COLGALT2: variants seen among roughly 807,000 people sequenced by gnomAD.
COLGALT2 encodes the protein procollagen galactosyltransferase 2.
In COLGALT2, 49 loss-of-function variants were observed where a neutral mutation model predicts 73.4. The ratio of observed to expected loss-of-function variants is 0.67; its 90% CI spans 0.53 to 0.85. The LOEUF is 0.85. Among genes scored for constraint, COLGALT2 ranks in the 40% least tolerant of loss-of-function variants. COLGALT2 has a pLI of 0.00. For synonymous variants in COLGALT2, 295 were observed against 307.6 expected, an observed-to-expected ratio of 0.96 and a Z score of 0.43; for missense variants, 722 against 790.2, an observed-to-expected ratio of 0.91 and a Z score of 1.03.
intron 1 of COLGALT2, among the ~76,000 whole-genome samples, chr1:184,001,602 G>A (rs12123236): frequency 0.043 from 6,578 of 152,052 alleles, 208 homozygotes; most frequent in Middle Eastern, 0.085. Flanking sequence ...TTCTTATGAT[G>A]TACTTAAAGC....
chr1:183,956,812 G>T (rs554884658), intron 6 of COLGALT2, among the ~76,000 whole-genome samples: 1 of 152,306 alleles, frequency 6.6e-6, no homozygotes, highest in African/African-American at 2.4e-5. Context: ...GTGTGCTTGG[G>T]TTTTGCCACT....
At chr1:183,996,926 T>C (rs1191808997) in intron 1 of COLGALT2, among the ~76,000 whole-genome samples, 1 of 152,214 alleles carries the variant, frequency 6.6e-6, no homozygotes, top group Non-Finnish European at 1.5e-5. Context: ...TTTGAGCTTA[T>C]CGAAAGAATT....
At chr1:184,005,309 T>C (rs12069197) in intron 1 of COLGALT2, among the ~76,000 whole-genome samples, 12,338 of 152,278 alleles carry the variant, frequency 0.081, 926 homozygotes, top group East Asian at 0.44. Context: ...CCTCTAGTCC[T>C]GGCAGAGGCT....
intron 10 of COLGALT2, 93 bp downstream of exon 10, chr1:183,944,103 A>G (rs1558309064): frequency 3.7e-6 from 5 of 1,365,240 alleles, no homozygotes; most frequent in East Asian, 2.5e-5. Flanking sequence ...CTTAAGCTGT[A>G]TCTCCTACTG....
At chr1:183,964,839 A>C (rs1670822265) in intron 5 of COLGALT2, among the ~76,000 whole-genome samples, 1 of 152,222 alleles carries the variant, frequency 6.6e-6, no homozygotes, top group Non-Finnish European at 1.5e-5. Context: ...ATCAATGATA[A>C]GACTGCTTAG....
At chr1:183,966,768 C>T (rs1212521625) in intron 5 of COLGALT2, among the ~76,000 whole-genome samples, 2 of 152,206 alleles carry the variant, frequency 1.3e-5, no homozygotes, top group African/African-American at 2.4e-5. Flanking sequence ...ACTCTTGACC[C>T]TGGACTCATT....
At chr1:183,988,645 G>A (rs946210757) in intron 1 of COLGALT2, among the ~76,000 whole-genome samples, 5 of 152,080 alleles carry the variant, frequency 3.3e-5, no homozygotes, top group African/African-American at 7.2e-5. Context: ...CAAGGTTCAC[G>A]CATGTTGTAG....
intron 1 of COLGALT2, among the ~76,000 whole-genome samples, chr1:184,002,879 C>CTT (rs1671969499): frequency 6.6e-6 from 1 of 151,930 alleles, no homozygotes; most frequent in African/African-American, 2.4e-5. Flanking sequence ...AGATTATATC[C>CTT]TATAAATATA....
intron 1 of COLGALT2, among the ~76,000 whole-genome samples, chr1:184,020,199 T>C (rs900213569): frequency 2.6e-5 from 4 of 152,148 alleles, no homozygotes; most frequent in Non-Finnish European, 5.9e-5. Context: ...CAAGAAAAAG[T>C]TGAAAATATT....
intron 1 of COLGALT2, among the ~76,000 whole-genome samples, chr1:184,011,266 G>T (rs1672226888): frequency 6.6e-6 from 1 of 152,186 alleles, no homozygotes; most frequent in Non-Finnish European, 1.5e-5. Context: ...CAGCCCCGTG[G>T]TTTGCTTTGG....
At position 183,944,214 on chromosome 1, in the gene COLGALT2, T is replaced by C. The variant is rs1181404383; in HGVS notation, c.1379A>G (p.Gln460Arg). ...MKLMDNIDQA[Q>R]LDWELIYIGR... Reference sequence around the variant, plus strand: ...CACTCACATCAGTTCCCAGTCCAGCTGAGCCTGGTCAATGTTATCCATCAG... The same window carrying C: ...CACTCACATCAGTTCCCAGTCCAGCCGAGCCTGGTCAATGTTATCCATCAG... The change falls in exon 10 of 12, where the codon CAG (glutamine) becomes CGG (arginine). Residue 460 changes from glutamine to arginine, a missense_variant. Gln to Arg is a conservative substitution (Grantham distance 43). Coordinates refer to ENST00000361927, the MANE Select transcript of COLGALT2 (RefSeq NM_015101.4). 17 of 1,613,436 alleles carry C rather than the reference T, an allele frequency of 1.1e-5. No homozygotes were observed. The highest frequency in any genetic ancestry group is 1.3e-5 in the Non-Finnish European group (15 of 1,179,780).
intron 1 of COLGALT2, among the ~76,000 whole-genome samples, chr1:183,986,292 T>C: frequency 6.6e-6 from 1 of 152,196 alleles, no homozygotes; most frequent in East Asian, 1.9e-4. Flanking sequence ...TCATACCAAG[T>C]CACTTAGTTG....
At chr1:184,013,396 C>A (rs1648877524) in intron 1 of COLGALT2, among the ~76,000 whole-genome samples, 1 of 152,102 alleles carries the variant, frequency 6.6e-6, no homozygotes, top group South Asian at 2.1e-4. Flanking sequence ...TCAATACCTG[C>A]AAGAATCTAC....
intron 1 of COLGALT2, among the ~76,000 whole-genome samples, chr1:184,016,823 C>T (rs972534200): frequency 2.6e-5 from 4 of 152,110 alleles, no homozygotes. Flanking sequence ...TAGTTAACTG[C>T]CTGACATATT....
At chr1:184,036,964 C>G in intron 1 of COLGALT2, 131 bp downstream of exon 1, 6 of 794,636 alleles carry the variant, frequency 7.6e-6, no homozygotes, top group Non-Finnish European at 1.0e-5. Context: ...GTGTGTGCGC[C>G]AGATTTTCCG....
chr1:183,995,138 T>C (rs958542438), intron 1 of COLGALT2, among the ~76,000 whole-genome samples: 1 of 152,112 alleles, frequency 6.6e-6, no homozygotes, highest in Non-Finnish European at 1.5e-5. Context: ...TACATATCAA[T>C]AGTCATTTCT....
Position 183,986,040 on chromosome 1 carries a change from C to A in COLGALT2, c.264-7520G>T, listed in dbSNP as rs555193228. 3.9e-5 allele frequency among the ~76,000 whole-genome samples: 6 copies of A among 152,346 alleles called. No homozygotes were observed. The South Asian group carries it at 1.2e-3, about 32-fold the overall frequency. ...AAGGTCATATCATCGAGTCCCGCCA[C>A]CTCTGTGTCCAGTCTCAAGGAAAGC... On this transcript the variant is annotated intron_variant, in intron 1 of 11. Transcript: ENST00000361927.
At chr1:183,988,026 A>G (rs762423882) in intron 1 of COLGALT2, among the ~76,000 whole-genome samples, 29 of 152,230 alleles carry the variant, frequency 1.9e-4, no homozygotes, top group African/African-American at 2.7e-4. Context: ...AGGTCCATCT[A>G]TCCACACATG....
At chr1:184,037,057 C>G (rs1649705232) in intron 1 of COLGALT2, 38 bp downstream of exon 1, 7 of 1,427,666 alleles carry the variant, frequency 4.9e-6, no homozygotes, top group Non-Finnish European at 6.4e-6. Context: ...GCCGCCCCCG[C>G]GTCCCGCCGC....
Sources: gnomAD v4.1 joint callset for allele counts (sites outside exome capture counted in the v4.1 genomes callset) on GRCh38, gnomAD v4.1.1 for gene constraint, MANE v1.5 for transcripts, NCBI Gene and HGNC (gene_info 2026-07-23, HGNC 2026-07-21) for gene names.